Variants in CLIC6 observed in about 807,000 individuals in gnomAD.
The protein encoded by CLIC6 is CLIC family member 6.
Under a neutral mutation model 49.2 loss-of-function variants are expected in CLIC6, and 39 were observed. The ratio of observed to expected loss-of-function variants is 0.79; its 90% confidence interval spans 0.61 to 1.04. The LOEUF (loss-of-function observed/expected upper bound fraction) is 1.04, where lower values mean the gene tolerates loss of function less well. Ranked by LOEUF, CLIC6 falls within the 50% of genes least tolerant of loss-of-function variation. The pLI is 0.00. For missense variants in CLIC6, 988 were observed against 993.1 expected, an observed-to-expected ratio of 0.99 and a Z score of 0.07; for synonymous variants, 446 against 433.4, an observed-to-expected ratio of 1.03 and a Z score of -0.36.
intron 1 of CLIC6, among the ~76,000 whole-genome samples, chr21:34,671,635 C>T (rs746013869): frequency 2.0e-5 from 3 of 152,236 alleles, no homozygotes; most frequent in Non-Finnish European, 2.9e-5. Context: ...TTTCTGAGGA[C>T]CTTTGGCCAG....
chr21:34,678,689 A>C (rs963050633), intron 1 of CLIC6, among the ~76,000 whole-genome samples: 1 of 152,208 alleles, frequency 6.6e-6, no homozygotes, highest in African/African-American at 2.4e-5. Flanking sequence ...TATAAAGTCA[A>C]CATAAAATGT....
rs776690274 is a variant in CLIC6, at chr21:34,708,017, A to G, written c.1558A>G (p.Thr520Ala). The stretch of plus-strand genomic sequence containing the variant: ...CATGACTTTTGATGGTGAAGTCAAG[A>G]CGGATGTGAATAAGATCGAGGAGTT... Reference protein sequence around the residue: ...PFMTFDGEVKTDVNKIEEFLE... With the variant: ...PFMTFDGEVKADVNKIEEFLE... Residue 520 changes from threonine (T) to alanine (A), a missense_variant, in exon 3 of 6, where the codon ACG (threonine) becomes GCG (alanine). Coordinates refer to ENST00000349499, the MANE Select transcript of CLIC6 (RefSeq NM_053277.3). The G allele has an allele frequency of 1.2e-6, 2 of 1,614,130 alleles. No homozygotes were observed. The highest frequency in any genetic ancestry group is 1.3e-5 in the African/African-American group (1 of 75,018).
intron 5 of CLIC6, among the ~76,000 whole-genome samples, chr21:34,714,977 A>G (rs2056078237): frequency 6.6e-6 from 1 of 152,248 alleles, no homozygotes; most frequent in Admixed American, 6.5e-5. Flanking sequence ...GAGCATCAAG[A>G]AGTTGGCATT....
At chr21:34,687,617 A>G (rs1485580531) in intron 1 of CLIC6, among the ~76,000 whole-genome samples, 4 of 152,242 alleles carry the variant, frequency 2.6e-5, no homozygotes, top group Non-Finnish European at 2.9e-5. Flanking sequence ...TAGAATTGAA[A>G]GCTAGGAGCA....
chr21:34,702,504 C>T (rs1204435169), intron 1 of CLIC6, among the ~76,000 whole-genome samples: 2 of 152,176 alleles, frequency 1.3e-5, no homozygotes, highest in Non-Finnish European at 2.9e-5. Context: ...ACACATTCCA[C>T]GAGGGGTGTT....
At position 34,689,457 on chromosome 21, in the gene CLIC6, A is replaced by G. The variant is rs1989947596; in HGVS notation, c.1375-17823A>G. On this transcript the variant is annotated intron_variant, in intron 1 of 5. Coordinates refer to ENST00000349499, the MANE Select transcript of CLIC6 (RefSeq NM_053277.3). Reference sequence around the variant, plus strand: ...ATGGCTTCCACGGTCTGTGTTTCAAACCACGTGCCTTGTATCTCACTACCA... The same window carrying G: ...ATGGCTTCCACGGTCTGTGTTTCAAGCCACGTGCCTTGTATCTCACTACCA... Among the ~76,000 whole-genome samples the G allele has an allele frequency of 2.0e-5, 3 of 152,154 alleles. No homozygotes were observed. The South Asian group carries it at 6.2e-4, about 32-fold the overall frequency.
chr21:34,679,698 C>T (rs1026437722), intron 1 of CLIC6, among the ~76,000 whole-genome samples: 19 of 152,286 alleles, frequency 1.2e-4, no homozygotes, highest in African/African-American at 4.1e-4. Flanking sequence ...AGAAGTTGGC[C>T]AAAACAGAGG....
rs1481138021 is a variant in CLIC6, at chr21:34,670,355, C to T, written c.967C>T (p.Pro323Ser). The T allele has an allele frequency of 2.1e-6, 3 of 1,451,218 alleles. No homozygotes were observed. The highest frequency in any genetic ancestry group is 2.6e-5 in the East Asian group (1 of 37,880). The allele number at this position is 1,451,218 out of a possible 1,614,324, so 89.9% of individuals were successfully genotyped here. Residue 323 changes from proline (P) to serine (S), a missense_variant, in exon 1 of 6, where the codon CCC (proline) becomes TCC (serine). Around this residue, in one of 3 missense-constraint regions of CLIC6, gnomAD observed 647 missense variants for 596.9 expected, o/e 1.08. Coordinates refer to ENST00000349499, the MANE Select transcript of CLIC6 (RefSeq NM_053277.3). ...AGCCGGGGAGAGTGCGGGGCGCAGCCCCGGTGAGCTCGCCTGGGACGCAGC... is the reference window on the plus strand; with the variant it reads ...AGCCGGGGAGAGTGCGGGGCGCAGCTCCGGTGAGCTCGCCTGGGACGCAGC... ...VAAGESAGRS[P>S]GELAWDAAEE...
chr21:34,690,855 A>C (rs1989979088), intron 1 of CLIC6, among the ~76,000 whole-genome samples: 1 of 113,784 alleles, frequency 8.8e-6, no homozygotes, highest in African/African-American at 3.1e-5. Context: ...GAGTTATAAT[A>C]CATGTCAAAA....
At chr21:34,708,259 C>T (rs1189879995) in intron 3 of CLIC6, among the ~76,000 whole-genome samples, 190 bp downstream of exon 3, 3 of 152,154 alleles carry the variant, frequency 2.0e-5, no homozygotes, top group Non-Finnish European at 4.4e-5. Context: ...GCACCTGCAG[C>T]TTGGCAATCA....
At chr21:34,679,877 C>T (rs918080264) in intron 1 of CLIC6, among the ~76,000 whole-genome samples, 2 of 152,228 alleles carry the variant, frequency 1.3e-5, no homozygotes, top group Non-Finnish European at 2.9e-5. Flanking sequence ...CAGGGTACAG[C>T]ATCCCTCTTG....
chr21:34,707,569 T>C (rs1052020040), intron 2 of CLIC6, among the ~76,000 whole-genome samples, 180 bp downstream of exon 2: 1 of 152,050 alleles, frequency 6.6e-6, no homozygotes, highest in Non-Finnish European at 1.5e-5. Context: ...TCGGCTGGGC[T>C]GGAGTCAGGA....
intron 1 of CLIC6, among the ~76,000 whole-genome samples, chr21:34,673,427 C>A (rs1208420629): frequency 6.6e-6 from 1 of 152,124 alleles, no homozygotes. Flanking sequence ...GTCGCTGAGA[C>A]TACAGGCATG....
At position 34,716,306 on chromosome 21, in the gene CLIC6, T is replaced by G. The variant is rs763867886; in HGVS notation, c.1900-15T>G. ...CAAGTTTTCCCTTTACTGATCATTT[T>G]CTCTTCATTTTCAGATTGTGGCCAA... On this transcript the variant is annotated splice_polypyrimidine_tract_variant and intron_variant, in intron 5 of 5. Coordinates refer to ENST00000349499, the MANE Select transcript of CLIC6 (RefSeq NM_053277.3). 3.1e-6 allele frequency: 5 copies of G among 1,608,412 alleles called. No homozygotes were observed. The South Asian group carries it at 5.6e-5, about 18-fold the overall frequency.
chr21:34,687,314 A>G lies in CLIC6; in HGVS notation c.1374+16552A>G, dbSNP rs186653040. On this transcript the variant is annotated intron_variant, in intron 1 of 5. Transcript: ENST00000349499. ...TCATTCAAGAACCTAAACCACCGGG[A>G]TATATAAAAACAGGCTGCAATATTA... Among the ~76,000 whole-genome samples, 305 of 152,316 alleles carry G rather than the reference A, an allele frequency of 2.0e-3. 1 individual carries two copies. Among genetic ancestry groups the G allele is most frequent in the African/African-American group, 7.0e-3 (293 of 41,574 alleles).
intron 5 of CLIC6, 100 bp downstream of exon 5, chr21:34,709,638 A>T: frequency 9.4e-7 from 1 of 1,059,864 alleles, no homozygotes; most frequent in Non-Finnish European, 1.4e-6. Flanking sequence ...ACAGTCTGAA[A>T]TGTGGAGACT....
Position 34,717,565 on chromosome 21 carries a change from T to C in CLIC6, c.*1083T>C, listed in dbSNP as rs1295070607. 1.3e-5 allele frequency: 2 copies of C among 152,226 alleles called. No individual in the cohort carries two copies. Among genetic ancestry groups the C allele is most frequent in the African/African-American group, 4.8e-5 (2 of 41,448 alleles). 9.4% of individuals were successfully genotyped at this position (152,226 alleles called of 1,614,324 possible). On this transcript the variant is annotated 3_prime_UTR_variant, in exon 6 of 6. Transcript: ENST00000349499. ...CTCAAAAGAGTTTCTGGCTGATCTG[T>C]GGCTTTGCCTCCACCATCCCTAACC...
intron 1 of CLIC6, among the ~76,000 whole-genome samples, chr21:34,704,651 G>A (rs2056002250): frequency 6.6e-6 from 1 of 152,158 alleles, no homozygotes; most frequent in Non-Finnish European, 1.5e-5. Context: ...CATTCCAGTG[G>A]CAGATCCGAG....
chr21:34,679,176 C>T lies in CLIC6; in HGVS notation c.1374+8414C>T, dbSNP rs115884535. Among the ~76,000 whole-genome samples, 509 of 152,296 alleles carry T rather than the reference C, an allele frequency of 3.3e-3. 1 individual carries two copies. Among genetic ancestry groups the T allele is most frequent in the African/African-American group, 0.011 (476 of 41,550 alleles). ...TTAATTGACTCACAGTTCTGCATGG[C>T]CTGGGAGGCCTCAGGAAACTCACAA... On this transcript the variant is annotated intron_variant, in intron 1 of 5. Transcript: ENST00000349499.
Sources: gnomAD v4.1 joint callset for allele counts (sites outside exome capture counted in the v4.1 genomes callset) on GRCh38, gnomAD v4.1.1 for gene constraint, gnomAD v4.1.1 regional missense constraint, MANE v1.5 for transcripts, NCBI Gene and HGNC (gene_info 2026-07-23, HGNC 2026-07-21) for gene names.